Variants in ELL observed in about 807,000 individuals in gnomAD.
ELL encodes the protein elongation factor for RNA polymerase II.
A neutral mutation model predicts 64.0 loss-of-function variants in ELL; 18 were observed. That is an observed-to-expected ratio of 0.28 (90% CI 0.19 to 0.42). The LOEUF (loss-of-function observed/expected upper bound fraction) is 0.42, where lower values mean the gene tolerates loss of function less well. Among genes scored for constraint, ELL ranks in the 10% least tolerant of loss-of-function variants. ELL has a pLI of 1.00. For missense variants in ELL, 797 were observed against 870.4 expected (o/e 0.92, Z 1.06); for synonymous variants, 399 against 376.2 (o/e 1.06, Z -0.70).
Position 18,461,744 on chromosome 19 carries a change from G to GCAC in ELL, c.575_577dup (p.Gly192dup). 1.2e-6 allele frequency: 2 copies of GCAC among 1,614,000 alleles called. No homozygotes were observed. The highest frequency in any genetic ancestry group is 1.7e-6 in the Non-Finnish European group (2 of 1,180,032). On this transcript the variant is annotated inframe_insertion, in exon 5 of 12. Transcript: ENST00000262809. ...CCCGCTGCCCCCACTCACGGCACTG[G>GCAC]CACCACTCTTCCTGATGGCACTCGC...
chr19:18,514,347 A>G (rs2144979936), intron 1 of ELL, among the ~76,000 whole-genome samples: 1 of 151,752 alleles, frequency 6.6e-6, no homozygotes, highest in African/African-American at 2.4e-5. Flanking sequence ...CCCCATCTCT[A>G]CTAAAAATAC....
At chr19:18,445,314 T>C in intron 10 of ELL, 46 bp from the exon 11 acceptor site, 2 of 1,517,266 alleles carry the variant, frequency 1.3e-6, no homozygotes, top group Admixed American at 3.5e-5. Flanking sequence ...TGTCCCCGCC[T>C]ACAGGAAACC....
intron 1 of ELL, among the ~76,000 whole-genome samples, chr19:18,496,124 A>G (rs890506157): frequency 1.3e-5 from 2 of 152,106 alleles, no homozygotes; most frequent in Admixed American, 1.3e-4. Flanking sequence ...CTCCTTATGG[A>G]TGGGGAAACT....
At position 18,521,915 on chromosome 19, in the gene ELL, A is replaced by G; in HGVS notation, c.135+6T>C. 1 of 1,584,982 alleles carries G rather than the reference A, an allele frequency of 6.3e-7. No homozygotes were observed. Among genetic ancestry groups the G allele is most frequent in the East Asian group, 2.3e-5 (1 of 42,656 alleles). On this transcript the variant is annotated splice_donor_region_variant and intron_variant, in intron 1 of 11. Coordinates refer to ENST00000262809, the MANE Select transcript of ELL (RefSeq NM_006532.4). ...CCACTGGCGCGCCGGGCGCCATGCC[A>G]CTCACCTGTCTGGCGCGGTAGCTCT...
At chr19:18,471,368 T>C (rs963745542) in intron 2 of ELL, 16 of 449,132 alleles carry the variant, frequency 3.6e-5, no homozygotes, top group African/African-American at 6.1e-5. Context: ...GAGAGACTCA[T>C]CTCTTAAAAA....
At chr19:18,506,331 G>A (rs967623428) in intron 1 of ELL, among the ~76,000 whole-genome samples, 3 of 152,240 alleles carry the variant, frequency 2.0e-5, no homozygotes, top group Non-Finnish European at 4.4e-5. Context: ...CCACAGTGGA[G>A]GGACACCCGG....
chr19:18,480,794 T>C (rs1381646523), intron 1 of ELL, among the ~76,000 whole-genome samples: 1 of 152,030 alleles, frequency 6.6e-6, no homozygotes, highest in African/African-American at 2.4e-5. Flanking sequence ...CCAACACACC[T>C]GGCTAATTTT....
chr19:18,502,855 C>G (rs1975809296), intron 1 of ELL, among the ~76,000 whole-genome samples: 1 of 152,212 alleles, frequency 6.6e-6, no homozygotes, highest in Non-Finnish European at 1.5e-5. Context: ...AATCCAAAAG[C>G]CCCTGTCTTG....
chr19:18,470,036 G>A (rs1348654130), intron 2 of ELL, among the ~76,000 whole-genome samples: 3 of 152,262 alleles, frequency 2.0e-5, no homozygotes, highest in African/African-American at 4.8e-5. Context: ...GAAGCAGCTG[G>A]CCAGGCGCGG....
chr19:18,508,478 T>C (rs1227192281), intron 1 of ELL, among the ~76,000 whole-genome samples: 2 of 152,258 alleles, frequency 1.3e-5, no homozygotes, highest in East Asian at 3.9e-4. Context: ...ATTAGTGAAA[T>C]AAAGGGGCCA....
At chr19:18,484,738 G>GT (rs1442164563) in intron 1 of ELL, among the ~76,000 whole-genome samples, 1 of 152,214 alleles carries the variant, frequency 6.6e-6, no homozygotes, top group Non-Finnish European at 1.5e-5. Flanking sequence ...CTCAAGAGGA[G>GT]TGCAAGAGTT....
chr19:18,460,421 C>A (rs893485609), intron 5 of ELL, among the ~76,000 whole-genome samples: 1 of 152,186 alleles, frequency 6.6e-6, no homozygotes, highest in African/African-American at 2.4e-5. Flanking sequence ...AGGCACTGAA[C>A]CAAAGTCACC....
intron 5 of ELL, among the ~76,000 whole-genome samples, chr19:18,460,091 A>G (rs1007226911): frequency 3.3e-5 from 5 of 152,132 alleles, no homozygotes; most frequent in African/African-American, 1.2e-4. Flanking sequence ...AGCCAGTCCT[A>G]GAGGTGGACA....
intron 1 of ELL, among the ~76,000 whole-genome samples, chr19:18,513,314 C>T (rs1976066379): frequency 1.3e-5 from 2 of 152,192 alleles, no homozygotes; most frequent in African/African-American, 4.8e-5. Context: ...CTGCAGCATC[C>T]GGACATCCCC....
At chr19:18,487,506 G>A (rs1275718055) in intron 1 of ELL, among the ~76,000 whole-genome samples, 1 of 152,216 alleles carries the variant, frequency 6.6e-6, no homozygotes, top group Non-Finnish European at 1.5e-5. Flanking sequence ...GTCTGACAGA[G>A]GCAGCTGCAT....
At chr19:18,456,788 G>A (rs1166968781) in intron 6 of ELL, among the ~76,000 whole-genome samples, 1 of 152,134 alleles carries the variant, frequency 6.6e-6, no homozygotes, top group Non-Finnish European at 1.5e-5. Context: ...GGCTCCTGCA[G>A]TGACTTGGGC....
rs1975776451 is a variant in ELL at position 18,501,336 on chromosome 19, C to G, written c.135+20585G>C. 6.6e-6 allele frequency among the ~76,000 whole-genome samples: 1 copy of G among 152,066 alleles called. No homozygotes were observed. Among genetic ancestry groups the G allele is most frequent in the Admixed American group, 6.5e-5 (1 of 15,272 alleles). On this transcript the variant is annotated intron_variant, in intron 1 of 11. Coordinates refer to ENST00000262809, the MANE Select transcript of ELL (RefSeq NM_006532.4). The surrounding 1 kb of genome is among the most constrained non-coding windows in gnomAD (Gnocchi z 4.5). ...AGAGCAATACTGTGTGTGCCCAGCA[C>G]CAACACCAAATTAAGAGGAATCAAA...
chr19:18,490,456 C>A lies in ELL; in HGVS notation c.136-17574G>T, dbSNP rs150576273. Among the ~76,000 whole-genome samples the A allele has an allele frequency of 3.6e-4, 55 of 152,352 alleles. No homozygotes were observed. The East Asian group carries it at 0.011, about 29-fold the overall frequency. On this transcript the variant is annotated intron_variant, in intron 1 of 11. Coordinates refer to ENST00000262809, the MANE Select transcript of ELL (RefSeq NM_006532.4). ...TGGTGGTGACCTCACATTGTCCTCC[C>A]CGCAGCGGGAGCCCATGGGCAGTGG...
In ELL at chr19:18,461,660, C is replaced by T. The variant is rs141121797; in HGVS notation, c.662G>A (p.Arg221His). The change falls in exon 5 of 12, where the codon CGC (arginine) becomes CAC (histidine). Residue 221 changes from arginine to histidine, a missense_variant. Physicochemically the swap from Arg to His is conservative, Grantham distance 29 (BLOSUM62 0). Coordinates refer to ENST00000262809, the MANE Select transcript of ELL (RefSeq NM_006532.4). ...VLHLLALRPY[R>H]KAELLLRLQK... is the part of the protein sequence containing the mutation. ...CAGTCGCAGCAGCAGCTCAGCCTTG[C>T]GGTAGGGCCGTAGTGCCAGGAGGTG... The T allele has an allele frequency of 1.9e-5, 30 of 1,612,680 alleles. No homozygotes were observed. The highest frequency in any genetic ancestry group is 2.7e-5 in the African/African-American group (2 of 74,950).
Sources: allele counts gnomAD v4.1 joint callset (sites outside exome capture counted in the v4.1 genomes callset), GRCh38; gene constraint gnomAD v4.1.1; non-coding constraint Gnocchi (gnomAD v3.1); transcripts MANE v1.5; gene names NCBI Gene and HGNC (gene_info 2026-07-23, HGNC 2026-07-21).